The following FSTL4 variants were observed in gnomAD, a reference collection of about 807,000 sequenced individuals.
FSTL4 encodes the protein follistatin like 4, also known as follistatin-related protein 4.
In FSTL4, 28 loss-of-function variants were observed where a neutral mutation model predicts 78.2. That is an observed-to-expected ratio of 0.36 (90% CI 0.27 to 0.49). The LOEUF is 0.49. Among genes scored for constraint, FSTL4 ranks in the 20% least tolerant of loss-of-function variants. The pLI, the probability that FSTL4 is intolerant of heterozygous loss-of-function variation, is 0.98. For missense variants in FSTL4, 922 were observed against 1,084.9 expected (o/e 0.85, Z 2.11); for synonymous variants, 422 against 440.5 (o/e 0.96, Z 0.53).
intron 4 of FSTL4, among the ~76,000 whole-genome samples, chr5:133,326,323 C>T (rs540058921): frequency 1.3e-5 from 2 of 152,178 alleles, no homozygotes; most frequent in African/African-American, 4.8e-5. Flanking sequence ...CTGAAAATTC[C>T]AAGAGACTGT....
the FSTL4 span, among the ~76,000 whole-genome samples, chr5:133,654,899 T>G: frequency 6.6e-6 from 1 of 152,190 alleles, no homozygotes; most frequent in African/African-American, 2.4e-5. Flanking sequence ...AGATTCTCCT[T>G]GGACATAAGT....
the FSTL4 span, among the ~76,000 whole-genome samples, chr5:133,709,224 G>A: frequency 3.3e-5 from 5 of 152,178 alleles, no homozygotes; most frequent in Non-Finnish European, 5.9e-5. Context: ...AAGATGGGGA[G>A]GAAATGAAGG....
chr5:133,206,213 A>AT (rs1750496986), intron 14 of FSTL4, among the ~76,000 whole-genome samples: 1 of 152,092 alleles, frequency 6.6e-6, no homozygotes, highest in East Asian at 1.9e-4. Context: ...TCTATGGTAG[A>AT]TTTTTCTTTA....
rs529191616 is a variant in FSTL4, at chr5:133,535,411, G to A, written c.160+31775C>T. On this transcript the variant is annotated intron_variant, in intron 3 of 15. Coordinates refer to ENST00000265342, the MANE Select transcript of FSTL4 (RefSeq NM_015082.2). ...CCTGGCCCGCCCAGGGCGGAAAACCGCTTAAAGGCATTCTTAAGCCACAAA... is the reference window on the plus strand; with the variant it reads ...CCTGGCCCGCCCAGGGCGGAAAACCACTTAAAGGCATTCTTAAGCCACAAA... 3.9e-5 allele frequency among the ~76,000 whole-genome samples: 6 copies of A among 152,328 alleles called. No homozygotes were observed. In the South Asian group the frequency reaches 6.2e-4, roughly 16 times the overall value.
chr5:133,446,128 T>G (rs976214243), intron 3 of FSTL4, among the ~76,000 whole-genome samples: 1 of 152,138 alleles, frequency 6.6e-6, no homozygotes, highest in Non-Finnish European at 1.5e-5. Flanking sequence ...CCAGAGCTAT[T>G]TGAGCCCCAC....
At chr5:133,730,060 C>G in the FSTL4 span, among the ~76,000 whole-genome samples, 1 of 152,166 alleles carries the variant, frequency 6.6e-6, no homozygotes, top group African/African-American at 2.4e-5. Context: ...AGATAGTTGA[C>G]TAGTAAATTG....
intron 7 of FSTL4, among the ~76,000 whole-genome samples, chr5:133,234,980 C>T (rs903670377): frequency 6.6e-6 from 1 of 152,152 alleles, no homozygotes; most frequent in African/African-American, 2.4e-5. Context: ...CCTGCCTTTC[C>T]CTGGCCCTTT....
At chr5:133,294,622 C>T (rs534306287) in intron 6 of FSTL4, among the ~76,000 whole-genome samples, 1 of 152,320 alleles carries the variant, frequency 6.6e-6, no homozygotes, top group South Asian at 2.1e-4. Context: ...GCCAACTCTC[C>T]ACCTTACAGG....
the FSTL4 span, among the ~76,000 whole-genome samples, chr5:133,807,911 T>C: frequency 6.6e-6 from 1 of 152,174 alleles, no homozygotes; most frequent in Non-Finnish European, 1.5e-5. Context: ...GCCTGAATCC[T>C]CCCTGCCCTA....
intron 6 of FSTL4, among the ~76,000 whole-genome samples, chr5:133,290,817 G>T (rs1010268258): frequency 6.6e-6 from 1 of 152,216 alleles, no homozygotes; most frequent in Admixed American, 6.5e-5. Flanking sequence ...CCTTTGGCCC[G>T]CGGTCCCTCG....
At chr5:133,548,405 C>T (rs1477145538) in intron 3 of FSTL4, among the ~76,000 whole-genome samples, 1 of 152,052 alleles carries the variant, frequency 6.6e-6, no homozygotes, top group African/African-American at 2.4e-5. Context: ...TGAATTGCAG[C>T]ATACTAGTTG....
In FSTL4 at chr5:133,395,577, C is replaced by G. The variant is rs1756009009; in HGVS notation, c.409+5161G>C. On this transcript the variant is annotated intron_variant, in intron 4 of 15. Coordinates refer to ENST00000265342, the MANE Select transcript of FSTL4 (RefSeq NM_015082.2). ...GACACAACACTGGTCAGCTTGAGTT[C>G]AGACTTCCCTGCTTGGCACACAAGG... Among the ~76,000 whole-genome samples, 7 of 152,322 alleles carry G rather than the reference C, an allele frequency of 4.6e-5. 1 individual carries two copies. In the South Asian group the frequency reaches 1.5e-3, roughly 32 times the overall value.
rs1760248801 is a variant in FSTL4 at position 133,575,045 on chromosome 5, T to TATCAAA, written c.127-7827_127-7826insTTTGAT. ...AGTGCTACACTCAGAATATGTGTCT[T>TATCAAA]TACTATATATTTGATATGCTCCAGT... is the stretch of plus-strand genomic sequence containing the variant. On this transcript the variant is annotated intron_variant, in intron 2 of 15. Coordinates refer to ENST00000265342, the MANE Select transcript of FSTL4 (RefSeq NM_015082.2). 6 of 152,172 alleles carry TATCAAA rather than the reference T, an allele frequency of 3.9e-5. No individual in the cohort carries two copies. In the South Asian group the frequency reaches 1.2e-3, roughly 32 times the overall value. 9.4% of individuals were successfully genotyped at this position (152,172 alleles called of 1,614,324 possible).
intron 3 of FSTL4, among the ~76,000 whole-genome samples, chr5:133,504,704 C>T (rs1472890060): frequency 1.3e-5 from 2 of 152,204 alleles, no homozygotes; most frequent in South Asian, 2.1e-4. Flanking sequence ...CTTCCTCCCA[C>T]TCCTATCCTG....
chr5:133,678,562 C>T, the FSTL4 span, among the ~76,000 whole-genome samples: 2 of 149,932 alleles, frequency 1.3e-5, no homozygotes, highest in African/African-American at 2.4e-5. Context: ...TGTGTTTGAG[C>T]GTGTGTGTGT....
At chr5:133,490,439 T>C (rs1758244583) in intron 3 of FSTL4, among the ~76,000 whole-genome samples, 3 of 152,104 alleles carry the variant, frequency 2.0e-5, no homozygotes, top group Admixed American at 2.0e-4. Context: ...TTATTTTCTA[T>C]TAAGGCACGC....
At chr5:133,765,513 C>CT in the FSTL4 span, among the ~76,000 whole-genome samples, 13 of 152,226 alleles carry the variant, frequency 8.5e-5, no homozygotes, top group Non-Finnish European at 1.6e-4. Context: ...TGACTACTGA[C>CT]CAGCTGTGAC....
At chr5:133,754,804 C>T in the FSTL4 span, among the ~76,000 whole-genome samples, 1 of 152,192 alleles carries the variant, frequency 6.6e-6, no homozygotes, top group South Asian at 2.1e-4. Flanking sequence ...GTTGATTCTG[C>T]TCTAACTCTA....
the FSTL4 span, among the ~76,000 whole-genome samples, chr5:133,808,941 A>G: frequency 6.0e-5 from 9 of 149,660 alleles, no homozygotes; most frequent in Non-Finnish European, 1.3e-4. Flanking sequence ...GTGAACCACC[A>G]GGACTGTCAG....
Sources: gnomAD v4.1 joint callset for allele counts (sites outside exome capture counted in the v4.1 genomes callset) on GRCh38, gnomAD v4.1.1 for gene constraint, MANE v1.5 for transcripts, NCBI Gene and HGNC (gene_info 2026-07-23, HGNC 2026-07-21) for gene names.